The following GRIN2B variants were observed in gnomAD, a reference collection of about 807,000 sequenced individuals.
GRIN2B encodes the protein glutamate ionotropic receptor NMDA type subunit 2B, also known as glutamate receptor ionotropic, NMDA 2B.
A neutral mutation model predicts 114.5 loss-of-function variants in GRIN2B; 5 were observed. The observed-to-expected ratio is 0.04, with a 90% confidence interval of 0.02 to 0.09. The LOEUF is 0.09. Ranked by LOEUF, GRIN2B falls within the 10% of genes least tolerant of loss-of-function variation. GRIN2B has a pLI of 1.00. For missense variants in GRIN2B, 1,108 were observed against 1,943.5 expected (o/e 0.57, Z 8.08); for synonymous variants, 787 against 745.1 (o/e 1.06, Z -0.92).
chr12:13,850,199 C>T (rs568159915), intron 3 of GRIN2B, among the ~76,000 whole-genome samples: 5 of 152,158 alleles, frequency 3.3e-5, no homozygotes, highest in Non-Finnish European at 4.4e-5. Flanking sequence ...TAAGACCTAT[C>T]GCCATCCAGG....
chr12:13,937,992 A>T (rs1401740150), intron 2 of GRIN2B, among the ~76,000 whole-genome samples: 1 of 152,090 alleles, frequency 6.6e-6, no homozygotes, highest in East Asian at 1.9e-4. Context: ...TACAATGTTG[A>T]CTCTAAATAG....
intron 2 of GRIN2B, 125 bp from the exon 3 acceptor site, chr12:13,866,351 C>T: frequency 1.3e-6 from 1 of 770,654 alleles, no homozygotes. Context: ...CCAACTCCAT[C>T]TACCAGCCTA....
intron 5 of GRIN2B, among the ~76,000 whole-genome samples, chr12:13,641,506 T>G (rs1459957680): frequency 1.3e-5 from 2 of 152,206 alleles, no homozygotes; most frequent in Non-Finnish European, 2.9e-5. Context: ...GCCCTTGTCT[T>G]TATTGAACTT....
intron 3 of GRIN2B, among the ~76,000 whole-genome samples, chr12:13,770,467 C>T (rs1410926006): frequency 6.6e-6 from 1 of 152,104 alleles, no homozygotes; most frequent in African/African-American, 2.4e-5. Flanking sequence ...GGTGGTTAAG[C>T]CGTTGTCAGA....
intron 2 of GRIN2B, among the ~76,000 whole-genome samples, chr12:13,966,262 C>T (rs1227561980): frequency 6.6e-6 from 1 of 152,180 alleles, no homozygotes; most frequent in Admixed American, 6.5e-5. Flanking sequence ...AAGCTATTGA[C>T]ACACTATCAA....
At chr12:13,816,331 C>T (rs1278670323) in intron 3 of GRIN2B, among the ~76,000 whole-genome samples, 2 of 152,072 alleles carry the variant, frequency 1.3e-5, no homozygotes, top group African/African-American at 4.8e-5. Flanking sequence ...ATTGATAAGA[C>T]AAAAAACTAA....
At chr12:13,891,877 A>G (rs983391402) in intron 2 of GRIN2B, among the ~76,000 whole-genome samples, 4 of 152,224 alleles carry the variant, frequency 2.6e-5, no homozygotes, top group African/African-American at 4.8e-5. Flanking sequence ...AAAATTATTT[A>G]CCTACTATGT....
At chr12:13,882,066 G>A (rs766675666) in intron 2 of GRIN2B, among the ~76,000 whole-genome samples, 13 of 152,106 alleles carry the variant, frequency 8.5e-5, no homozygotes, top group Non-Finnish European at 1.8e-4. Context: ...TCACCTCACC[G>A]CAGAGTCAAT....
intron 3 of GRIN2B, among the ~76,000 whole-genome samples, chr12:13,769,203 C>T (rs1429766591): frequency 6.6e-6 from 1 of 152,114 alleles, no homozygotes; most frequent in Admixed American, 6.5e-5. Flanking sequence ...CACAGCAGAG[C>T]TAAGGTGAGA....
At chr12:13,675,681 T>C (rs1279940498) in intron 5 of GRIN2B, 64 bp downstream of exon 5, 15 of 989,632 alleles carry the variant, frequency 1.5e-5, no homozygotes, top group East Asian at 4.8e-5. Flanking sequence ...CTTTCCTTCA[T>C]TGTGTTGCAA....
intron 2 of GRIN2B, among the ~76,000 whole-genome samples, chr12:13,932,329 A>C (rs1867049343): frequency 6.6e-6 from 1 of 152,182 alleles, no homozygotes; most frequent in Admixed American, 6.5e-5. Context: ...AAGAACCCTA[A>C]ACTCTCTATA....
At chr12:13,571,141 C>CAACA (rs1417712891) in intron 11 of GRIN2B, among the ~76,000 whole-genome samples, 2 of 152,158 alleles carry the variant, frequency 1.3e-5, no homozygotes, top group Non-Finnish European at 2.9e-5. Flanking sequence ...AGTCATCATA[C>CAACA]AACAAAGAAA....
At chr12:13,897,769 A>T (rs1321373626) in intron 2 of GRIN2B, among the ~76,000 whole-genome samples, 1 of 152,122 alleles carries the variant, frequency 6.6e-6, no homozygotes. Context: ...GAGATGGATG[A>T]ATAGATATTT....
chr12:13,744,732 C>G (rs961468283), intron 4 of GRIN2B, among the ~76,000 whole-genome samples: 2 of 152,164 alleles, frequency 1.3e-5, no homozygotes, highest in Non-Finnish European at 2.9e-5. Context: ...AAGCCCTAAT[C>G]TGTCAGCAGC....
At chr12:13,930,723 C>T (rs147214141) in intron 2 of GRIN2B, among the ~76,000 whole-genome samples, 5 of 152,136 alleles carry the variant, frequency 3.3e-5, no homozygotes, top group Non-Finnish European at 5.9e-5. Flanking sequence ...CATCAATCCC[C>T]GAGTGACAGA....
chr12:13,741,582 G>T (rs1863287925), intron 4 of GRIN2B, among the ~76,000 whole-genome samples: 1 of 152,072 alleles, frequency 6.6e-6, no homozygotes, highest in Non-Finnish European at 1.5e-5. Context: ...TTGAGACAGG[G>T]TCTTGCTCTT....
intron 5 of GRIN2B, among the ~76,000 whole-genome samples, chr12:13,668,998 A>C: frequency 6.1e-5 from 1 of 16,484 alleles, no homozygotes; most frequent in Non-Finnish European, 1.2e-4. Context: ...GAGGGAATGG[A>C]GGGGAGGTGG....
chr12:13,645,572 C>G (rs1173388411), intron 5 of GRIN2B, among the ~76,000 whole-genome samples: 1 of 152,054 alleles, frequency 6.6e-6, no homozygotes, highest in African/African-American at 2.4e-5. Context: ...GTAAAAAACA[C>G]AGTGTCTGTG....
intron 4 of GRIN2B, among the ~76,000 whole-genome samples, chr12:13,694,080 C>T (rs983673714): frequency 1.3e-5 from 2 of 152,224 alleles, no homozygotes; most frequent in Admixed American, 1.3e-4. Flanking sequence ...AATAAACAGC[C>T]AAATTTTGAA....
Sources: gnomAD v4.1 joint callset for allele counts (sites outside exome capture counted in the v4.1 genomes callset) on GRCh38, gnomAD v4.1.1 for gene constraint, MANE v1.5 for transcripts, NCBI Gene and HGNC (gene_info 2026-07-23, HGNC 2026-07-21) for gene names.